The following AGFG1 variants were observed in gnomAD, a reference collection of about 807,000 sequenced individuals.
The protein encoded by AGFG1 is ArfGAP with FG repeats 1.
A neutral mutation model predicts 60.6 loss-of-function variants in AGFG1; 10 were observed. The ratio of observed to expected loss-of-function variants is 0.16; its 90% CI spans 0.10 to 0.28. AGFG1 has a LOEUF of 0.28. AGFG1 is among the 10% of genes least tolerant of loss of function. The pLI, the probability that AGFG1 is intolerant of heterozygous loss-of-function variation, is 1.00. For missense variants in AGFG1, 537 were observed against 676.5 expected (o/e 0.79, Z 2.29); for synonymous variants, 247 against 242.9 (o/e 1.02, Z -0.16).
At chr2:227,505,043 A>AT (rs1350997036) in intron 2 of AGFG1, among the ~76,000 whole-genome samples, 2 of 151,732 alleles carry the variant, frequency 1.3e-5, no homozygotes, top group Non-Finnish European at 2.9e-5. Context: ...GGATTTACAT[A>AT]TTTTTTTCTG....
chr2:227,518,314 C>A (rs1286771635), intron 2 of AGFG1, among the ~76,000 whole-genome samples: 1 of 152,008 alleles, frequency 6.6e-6, no homozygotes, highest in Non-Finnish European at 1.5e-5. Flanking sequence ...GAATAAATAC[C>A]TAGAAGTAGA....
intron 5 of AGFG1, among the ~76,000 whole-genome samples, chr2:227,529,157 A>T (rs537668742): frequency 6.6e-6 from 1 of 152,274 alleles, no homozygotes; most frequent in East Asian, 1.9e-4. Context: ...TCCTTCTACT[A>T]TGGTTGATAC....
In AGFG1 at chr2:227,557,544, CTG is replaced by C. The variant is rs1693009019; in HGVS notation, c.*3050_*3051del. On this transcript the variant is annotated 3_prime_UTR_variant, in exon 13 of 13. Coordinates refer to ENST00000310078, the MANE Select transcript of AGFG1 (RefSeq NM_004504.5). ...AGCTTTGTTGATGTAGCTTGTATCT[CTG>C]AGAATTTATTGTATTAAAATTAATA... The C allele has an allele frequency of 1.3e-5, 2 of 152,188 alleles. No homozygotes were observed. Among genetic ancestry groups the C allele is most frequent in the South Asian group, 4.1e-4 (2 of 4,820 alleles). 9.4% of individuals were successfully genotyped at this position (152,188 alleles called of 1,614,324 possible).
chr2:227,537,055 A>G lies in AGFG1; in HGVS notation c.1378+62A>G, dbSNP rs1463617053. 5.6e-6 allele frequency: 8 copies of G among 1,421,508 alleles called. No individual in the cohort carries two copies. The South Asian group carries it at 7.3e-5, about 13-fold the overall frequency. 88.1% of individuals were successfully genotyped at this position (1,421,508 alleles called of 1,614,324 possible). ...GAAGACATTTATCAACAAAGACACC[A>G]TGTGAAGAACACCAGAAAATGGGGC... On this transcript the variant is annotated intron_variant, in intron 10 of 12. Coordinates refer to ENST00000310078, the MANE Select transcript of AGFG1 (RefSeq NM_004504.5).
chr2:227,497,783 C>T (rs1444327909), intron 2 of AGFG1, among the ~76,000 whole-genome samples: 6 of 112,068 alleles, frequency 5.4e-5, no homozygotes, highest in Admixed American at 4.1e-4. Flanking sequence ...CTTACTCTGT[C>T]GCCTAGGCTG....
At chr2:227,522,482 G>A (rs75291268) in intron 3 of AGFG1, among the ~76,000 whole-genome samples, 5,460 of 152,252 alleles carry the variant, frequency 0.036, 136 homozygotes, top group Non-Finnish European at 0.045. Context: ...TAGTGACAGT[G>A]AACACTTAGT....
In AGFG1 at chr2:227,534,864, C is replaced by T; in HGVS notation, c.1044C>T (p.Gly348=). 6.2e-7 allele frequency: 1 copy of T among 1,613,626 alleles called. No individual in the cohort carries two copies. The highest frequency in any genetic ancestry group is 1.1e-5 in the South Asian group (1 of 91,052). The stretch of plus-strand genomic sequence containing the variant: ...TCCCAGGTGGTGATCAGGGAAGTGG[C>T]TTTGGGACCACAGGTAAAGCTCCTG... The part of the protein sequence containing the change: ...SAGQGGDQGS[G]FGTTGKAPVG... The change falls in exon 8 of 13, where the codon GGC becomes GGT. Residue 348 remains glycine, a synonymous_variant. Coordinates refer to ENST00000310078, the MANE Select transcript of AGFG1 (RefSeq NM_004504.5).
chr2:227,542,445 A>G (rs1400628728), intron 10 of AGFG1, among the ~76,000 whole-genome samples: 1 of 152,162 alleles, frequency 6.6e-6, no homozygotes, highest in Non-Finnish European at 1.5e-5. Context: ...GGTTCTGTGT[A>G]TATGATGGAT....
At chr2:227,550,975 G>C (rs1692802042) in intron 10 of AGFG1, among the ~76,000 whole-genome samples, 1 of 152,138 alleles carries the variant, frequency 6.6e-6, no homozygotes, top group African/African-American at 2.4e-5. Flanking sequence ...AAAACACATA[G>C]TTGGAGGTTT....
At chr2:227,493,218 A>G (rs570689016) in intron 2 of AGFG1, among the ~76,000 whole-genome samples, 1 of 152,282 alleles carries the variant, frequency 6.6e-6, no homozygotes, top group South Asian at 2.1e-4. Context: ...GATGTGCAGT[A>G]TTCTATGGTT....
chr2:227,501,124 C>T (rs777687192), intron 2 of AGFG1, among the ~76,000 whole-genome samples: 1 of 151,846 alleles, frequency 6.6e-6, no homozygotes, highest in East Asian at 1.9e-4. Flanking sequence ...TTGGTCTTGT[C>T]GCTCAGGCTG....
intron 10 of AGFG1, among the ~76,000 whole-genome samples, chr2:227,549,442 T>C (rs1033227601): frequency 5.8e-4 from 88 of 152,210 alleles, no homozygotes; most frequent in Admixed American, 2.0e-4. Context: ...GCCAGGTGAG[T>C]AAGATCTGTA....
chr2:227,494,242 T>C (rs1690910067), intron 2 of AGFG1, among the ~76,000 whole-genome samples: 1 of 151,218 alleles, frequency 6.6e-6, no homozygotes, highest in South Asian at 2.1e-4. Flanking sequence ...TTTATGGATT[T>C]CACGTGCAAG....
chr2:227,533,709 C>T lies in AGFG1; in HGVS notation c.975C>T (p.Asp325=). The change falls in exon 7 of 13, where the codon GAC becomes GAT. Residue 325 remains aspartate (D), a synonymous_variant. Coordinates refer to ENST00000310078, the MANE Select transcript of AGFG1 (RefSeq NM_004504.5). ...STNKAGLQTA[D]KYAALANLDN... The stretch of plus-strand genomic sequence containing the variant: ...ACAAAGCTGGTTTACAGACTGCAGA[C>T]AAATATGCAGCACTTGCTAATTTAG... 2 of 1,613,804 alleles carry T rather than the reference C, an allele frequency of 1.2e-6. No individual in the cohort carries two copies. Among genetic ancestry groups the T allele is most frequent in the South Asian group, 2.2e-5 (2 of 91,072 alleles).
intron 10 of AGFG1, among the ~76,000 whole-genome samples, chr2:227,547,024 A>G (rs1692670374): frequency 6.6e-6 from 1 of 152,248 alleles, no homozygotes; most frequent in Non-Finnish European, 1.5e-5. Flanking sequence ...AAATTCAGTA[A>G]TGGCTGATCT....
At chr2:227,496,585 C>A in intron 2 of AGFG1, among the ~76,000 whole-genome samples, 1 of 152,194 alleles carries the variant, frequency 6.6e-6, no homozygotes, top group East Asian at 1.9e-4. Flanking sequence ...TGGTCTTGTG[C>A]TGAAAGCTCA....
At chr2:227,513,305 C>T (rs2106197018) in intron 2 of AGFG1, among the ~76,000 whole-genome samples, 1 of 152,268 alleles carries the variant, frequency 6.6e-6, no homozygotes, top group South Asian at 2.1e-4. Flanking sequence ...CAGTCTTTTC[C>T]CTGCTCTGGC....
intron 4 of AGFG1, 26 bp from the exon 5 acceptor site, chr2:227,524,736 C>G (rs756869199): frequency 6.2e-7 from 1 of 1,611,840 alleles, no homozygotes. Flanking sequence ...ACTGGAATAT[C>G]TTTATAGTTA....
chr2:227,486,043 G>A (rs1047606299), intron 1 of AGFG1, among the ~76,000 whole-genome samples: 22 of 152,118 alleles, frequency 1.4e-4, no homozygotes, highest in African/African-American at 3.9e-4. Context: ...GAGAATTTGC[G>A]TGTTCATGGG....
Sources: gnomAD v4.1 joint callset for allele counts (sites outside exome capture counted in the v4.1 genomes callset) on GRCh38, gnomAD v4.1.1 for gene constraint, MANE v1.5 for transcripts, NCBI Gene and HGNC (gene_info 2026-07-23, HGNC 2026-07-21) for gene names.